NCEH1: variants seen among roughly 807,000 people sequenced by gnomAD.
The protein encoded by NCEH1 is neutral cholesterol ester hydrolase 1.
A neutral mutation model predicts 25.4 loss-of-function variants in NCEH1; 9 were observed. That is an observed-to-expected ratio of 0.35 (90% CI 0.21 to 0.62). The LOEUF (loss-of-function observed/expected upper bound fraction) is 0.62. NCEH1 is among the 20% of genes least tolerant of loss of function. The probability of loss-of-function intolerance (pLI) is 0.72; values close to 1 mark genes in which losing one functional copy is unlikely to be tolerated. For synonymous variants in NCEH1, 200 were observed against 199.8 expected (o/e 1.00, Z -0.01); for missense variants, 412 against 501.1 (o/e 0.82, Z 1.70).
chr3:172,693,376 T>A lies in NCEH1; in HGVS notation c.138+17471A>T, dbSNP rs563263458. Among the ~76,000 whole-genome samples, 5 of 152,192 alleles carry A rather than the reference T, an allele frequency of 3.3e-5. No individual in the cohort carries two copies. The South Asian group carries it at 1.0e-3, about 32-fold the overall frequency. Reference sequence around the variant, plus strand: ...CAAAGCCACAAGGACCAATCTGTATTTCAGCAACTTTAAGGATTACAGGTG... The same window carrying A: ...CAAAGCCACAAGGACCAATCTGTATATCAGCAACTTTAAGGATTACAGGTG... On this transcript the variant is annotated intron_variant, in intron 1 of 4. Transcript: ENST00000475381.
At chr3:172,690,648 A>G (rs1712982351) in intron 1 of NCEH1, among the ~76,000 whole-genome samples, 2 of 152,232 alleles carry the variant, frequency 1.3e-5, no homozygotes, top group South Asian at 4.1e-4. Flanking sequence ...GCAAGTAACT[A>G]AACAGTCTAA....
intron 1 of NCEH1, among the ~76,000 whole-genome samples, chr3:172,671,307 A>G (rs1711606489): frequency 6.6e-6 from 1 of 152,318 alleles, no homozygotes; most frequent in South Asian, 2.1e-4. Flanking sequence ...ATTAAATTTT[A>G]GCACAGAATC....
In NCEH1 at chr3:172,630,589, AAAG is replaced by A. The variant is rs1214918785; in HGVS notation, c.*2883_*2885del. The A allele has an allele frequency of 6.6e-6, 1 of 152,268 alleles. No homozygotes were observed. The highest frequency in any genetic ancestry group is 1.5e-5 in the Non-Finnish European group (1 of 68,052). The allele number at this position is 152,268 out of a possible 1,614,324, so 9.4% of individuals were successfully genotyped here. A position where few individuals can be genotyped will look rare whatever the true frequency, so the allele number is the denominator to read the frequency against. Reference sequence around the variant, plus strand: ...TTGTGGCTGGCAATTTGGCATACAGAAAGAAGAGAAGAGAACACTGTTTTCAAA... The same window carrying A: ...TTGTGGCTGGCAATTTGGCATACAGAAAGAGAAGAGAACACTGTTTTCAAA... On this transcript the variant is annotated 3_prime_UTR_variant, in exon 5 of 5. Transcript: ENST00000475381.
chr3:172,643,168 C>T (rs1161702799), intron 3 of NCEH1, among the ~76,000 whole-genome samples: 12 of 151,840 alleles, frequency 7.9e-5, no homozygotes, highest in African/African-American at 1.2e-4. Context: ...CTCGAACTCC[C>T]GACCTCAGGT....
chr3:172,675,081 G>T (rs1445956436), intron 1 of NCEH1, among the ~76,000 whole-genome samples: 1 of 152,110 alleles, frequency 6.6e-6, no homozygotes, highest in African/African-American at 2.4e-5. Flanking sequence ...AGGCCGAGGC[G>T]GGCGGATCAC....
chr3:172,641,333 A>C (rs1179525634), intron 3 of NCEH1, among the ~76,000 whole-genome samples: 1 of 152,180 alleles, frequency 6.6e-6, no homozygotes, highest in East Asian at 1.9e-4. Context: ...CATAGCTTTT[A>C]CGTAGGTTTT....
chr3:172,696,341 A>G (rs1448191621), intron 1 of NCEH1, among the ~76,000 whole-genome samples: 1 of 152,218 alleles, frequency 6.6e-6, no homozygotes, highest in Non-Finnish European at 1.5e-5. Context: ...GCAATAGCAG[A>G]TTGGCAAGAA....
rs1716469835 is a variant in NCEH1 at position 172,633,673 on chromosome 3, C to T, written c.1029G>A (p.Leu343=). The T allele has an allele frequency of 1.2e-6, 2 of 1,614,224 alleles. No individual in the cohort carries two copies. The highest frequency in any genetic ancestry group is 1.7e-6 in the Non-Finnish European group (2 of 1,180,042). The change falls in exon 5 of 5, where the codon CTG becomes CTA. Residue 343 remains leucine (L), a synonymous_variant. Coordinates refer to ENST00000475381, the MANE Select transcript of NCEH1 (RefSeq NM_020792.6). ...VLQLLPKTYI[L]TCEHDVLRDD... is the part of the protein sequence containing the mutation. The stretch of plus-strand genomic sequence containing the variant: ...CTCTGAGGACATCATGCTCACACGT[C>T]AGAATGTAGGTCTTTGGGAGGAGCT...
chr3:172,638,275 C>CAAAAAAA (rs1560178436), intron 3 of NCEH1, among the ~76,000 whole-genome samples: 20 of 81,898 alleles, frequency 2.4e-4, no homozygotes, highest in African/African-American at 8.2e-4. Flanking sequence ...GAGACTCTGT[C>CAAAAAAA]CAAAAAAAAA....
At chr3:172,666,419 C>T (rs1353149375) in intron 1 of NCEH1, among the ~76,000 whole-genome samples, 1 of 152,188 alleles carries the variant, frequency 6.6e-6, no homozygotes, top group African/African-American at 2.4e-5. Flanking sequence ...CTGCCCCCTG[C>T]AGCATCCCAA....
chr3:172,697,853 G>C (rs2108534288), intron 1 of NCEH1, among the ~76,000 whole-genome samples: 1 of 152,148 alleles, frequency 6.6e-6, no homozygotes, highest in East Asian at 1.9e-4. Context: ...TAAAATGAGA[G>C]CATTAACTAC....
chr3:172,684,891 G>A (rs531494183), intron 1 of NCEH1, among the ~76,000 whole-genome samples: 4 of 152,198 alleles, frequency 2.6e-5, no homozygotes, highest in African/African-American at 9.6e-5. Context: ...TGAGACAGGA[G>A]AACTGCAAGA....
chr3:172,672,778 G>T (rs1171529014), intron 1 of NCEH1, among the ~76,000 whole-genome samples: 1 of 152,200 alleles, frequency 6.6e-6, no homozygotes, highest in Non-Finnish European at 1.5e-5. Flanking sequence ...GGAGCCCCAA[G>T]ATGCATCCAT....
intron 3 of NCEH1, among the ~76,000 whole-genome samples, chr3:172,644,841 CA>C (rs1362350707): frequency 6.6e-6 from 1 of 152,002 alleles, no homozygotes; most frequent in Non-Finnish European, 1.5e-5. Flanking sequence ...CCACTTATTA[CA>C]ATAAACATAA....
chr3:172,662,111 T>C (rs1223318757), intron 1 of NCEH1, among the ~76,000 whole-genome samples: 1 of 152,226 alleles, frequency 6.6e-6, no homozygotes. Context: ...GGGTTTGTCA[T>C]ACATAGCTCT....
chr3:172,674,089 C>T (rs756213412), intron 1 of NCEH1, among the ~76,000 whole-genome samples: 4 of 152,154 alleles, frequency 2.6e-5, no homozygotes, highest in Non-Finnish European at 5.9e-5. Context: ...GAAATAAAAC[C>T]TTTATTTAAC....
At chr3:172,684,663 C>T (rs1335551377) in intron 1 of NCEH1, among the ~76,000 whole-genome samples, 1 of 152,200 alleles carries the variant, frequency 6.6e-6, no homozygotes, top group Non-Finnish European at 1.5e-5. Flanking sequence ...TTGGAATTCA[C>T]AGTTTAGCAG....
chr3:172,684,833 T>C (rs898471455), intron 1 of NCEH1, among the ~76,000 whole-genome samples: 9 of 151,636 alleles, frequency 5.9e-5, no homozygotes, highest in Non-Finnish European at 1.0e-4. Flanking sequence ...ATGCAAAAAC[T>C]AGCCAGGCAT....
At chr3:172,658,123 G>A (rs935270595) in intron 1 of NCEH1, among the ~76,000 whole-genome samples, 9 of 152,128 alleles carry the variant, frequency 5.9e-5, no homozygotes, top group African/African-American at 1.2e-4. Context: ...TAAAGTAGCC[G>A]GATAAAACCC....
Sources: allele counts gnomAD v4.1 joint callset (sites outside exome capture counted in the v4.1 genomes callset), GRCh38; gene constraint gnomAD v4.1.1; transcripts MANE v1.5; gene names NCBI Gene and HGNC (gene_info 2026-07-23, HGNC 2026-07-21).